Variants in PLCB1 observed in about 807,000 individuals in gnomAD.
The protein encoded by PLCB1 is 1-phosphatidylinositol 4,5-bisphosphate phosphodiesterase beta-1.
PLCB1 carries 46 observed loss-of-function variants against 161.8 expected under a neutral mutation model. The ratio of observed to expected loss-of-function variants is 0.28; its 90% CI spans 0.22 to 0.36. The LOEUF is 0.36. Ranked by LOEUF, PLCB1 falls within the 10% of genes least tolerant of loss-of-function variation. The probability of loss-of-function intolerance (pLI) is 1.00; values close to 1 mark genes in which losing one functional copy is unlikely to be tolerated. For synonymous variants in PLCB1, 517 were observed against 503.7 expected, an observed-to-expected ratio of 1.03 and a Z score of -0.35; for missense variants, 1,016 against 1,472.5, an observed-to-expected ratio of 0.69 and a Z score of 5.07.
chr20:8,221,576 T>C (rs900673138), intron 2 of PLCB1, among the ~76,000 whole-genome samples: 4 of 152,158 alleles, frequency 2.6e-5, no homozygotes, highest in Non-Finnish European at 4.4e-5. Context: ...GTGTGTTTAA[T>C]TGAGAGATGA....
In PLCB1 at chr20:8,820,740, ATAG is replaced by A. The variant is rs1451338959; in HGVS notation, c.3423+30483_3423+30485del. On this transcript the variant is annotated intron_variant, in intron 31 of 31. Transcript: ENST00000338037. Reference sequence around the variant, plus strand: ...AGAAATGAAAAATAACCCACCTATAATAGTAGAATAAAGCAATGTTAATATATT... The same window carrying A: ...AGAAATGAAAAATAACCCACCTATAATAGAATAAAGCAATGTTAATATATT... 3.3e-5 allele frequency among the ~76,000 whole-genome samples: 5 copies of A among 152,306 alleles called. No individual in the cohort carries two copies. In the East Asian group the frequency reaches 9.6e-4, roughly 29 times the overall value.
chr20:8,168,383 T>C (rs190609999), intron 2 of PLCB1, among the ~76,000 whole-genome samples: 41 of 152,326 alleles, frequency 2.7e-4, no homozygotes, highest in African/African-American at 9.4e-4. Context: ...TAAGGCAATA[T>C]GAAGTACCCC....
intron 31 of PLCB1, among the ~76,000 whole-genome samples, chr20:8,842,421 G>A (rs1986537496): frequency 6.6e-6 from 1 of 152,104 alleles, no homozygotes; most frequent in Non-Finnish European, 1.5e-5. Context: ...TCATGGCAAT[G>A]CAAAATCTTC....
At chr20:8,769,254 A>G (rs1225303226) in intron 26 of PLCB1, among the ~76,000 whole-genome samples, 1 of 152,030 alleles carries the variant, frequency 6.6e-6, no homozygotes, top group African/African-American at 2.4e-5. Context: ...AACTCATAAC[A>G]TTTTTAAAAT....
chr20:8,551,012 GCTAA>G, intron 3 of PLCB1, among the ~76,000 whole-genome samples: 1 of 152,146 alleles, frequency 6.6e-6, no homozygotes, highest in Non-Finnish European at 1.5e-5. Context: ...TAATGTCTGG[GCTAA>G]CTTTTTTGTT....
chr20:8,217,413 GA>G (rs1309098660), intron 2 of PLCB1, among the ~76,000 whole-genome samples: 1 of 152,082 alleles, frequency 6.6e-6, no homozygotes, highest in African/African-American at 2.4e-5. Context: ...GAAAAGAGAT[GA>G]GATGGAGTAC....
At chr20:8,204,936 G>C (rs1021432348) in intron 2 of PLCB1, among the ~76,000 whole-genome samples, 1 of 151,820 alleles carries the variant, frequency 6.6e-6, no homozygotes, top group Non-Finnish European at 1.5e-5. Context: ...AATACTGGTT[G>C]CTTCTGCTTT....
chr20:8,401,478 TGAGC>T (rs1466732256), intron 3 of PLCB1, among the ~76,000 whole-genome samples: 1 of 152,252 alleles, frequency 6.6e-6, no homozygotes, highest in Non-Finnish European at 1.5e-5. Context: ...GTTGTATCTT[TGAGC>T]TATCTGGACC....
At chr20:8,312,998 A>G (rs970509833) in intron 2 of PLCB1, among the ~76,000 whole-genome samples, 6 of 152,198 alleles carry the variant, frequency 3.9e-5, no homozygotes, top group African/African-American at 1.4e-4. Context: ...TGTCATGTAT[A>G]TTTGTATTTA....
At chr20:8,408,446 G>GGAAA (rs1269170367) in intron 3 of PLCB1, among the ~76,000 whole-genome samples, 5 of 149,606 alleles carry the variant, frequency 3.3e-5, no homozygotes, top group African/African-American at 1.2e-4. Context: ...AGAAAGAAAA[G>GGAAA]GAAAGAAAGA....
chr20:8,832,828 G>A (rs1387509254), intron 31 of PLCB1, among the ~76,000 whole-genome samples: 2 of 152,136 alleles, frequency 1.3e-5, no homozygotes, highest in African/African-American at 2.4e-5. Context: ...GAGTCCTTAG[G>A]GAACCCTGCG....
intron 3 of PLCB1, among the ~76,000 whole-genome samples, chr20:8,576,365 C>A (rs1043392178): frequency 1.1e-4 from 17 of 151,996 alleles, no homozygotes; most frequent in Admixed American, 4.6e-4. Context: ...AACTGTAAAG[C>A]CATAAATAAA....
intron 9 of PLCB1, among the ~76,000 whole-genome samples, chr20:8,662,021 TA>T (rs1428876409): frequency 3.5e-4 from 2 of 5,726 alleles, no homozygotes; most frequent in Admixed American, 2.9e-3. Flanking sequence ...TTATATATAA[TA>T]TACAATTATT....
chr20:8,535,068 A>G (rs1374517403), intron 3 of PLCB1, among the ~76,000 whole-genome samples: 1 of 150,196 alleles, frequency 6.7e-6, no homozygotes, highest in Non-Finnish European at 1.5e-5. Flanking sequence ...GAAATAGAGC[A>G]ATTCTTTTCC....
At chr20:8,430,381 A>C (rs1204445436) in intron 3 of PLCB1, among the ~76,000 whole-genome samples, 1 of 152,098 alleles carries the variant, frequency 6.6e-6, no homozygotes. Context: ...TTTAAGGCTG[A>C]AATGTTTCAG....
At chr20:8,222,440 C>G (rs1260868506) in intron 2 of PLCB1, among the ~76,000 whole-genome samples, 1 of 152,108 alleles carries the variant, frequency 6.6e-6, no homozygotes, top group African/African-American at 2.4e-5. Context: ...TGTTATTAAT[C>G]ACTCAAATTC....
At chr20:8,763,358 C>T (rs1410207864) in intron 25 of PLCB1, among the ~76,000 whole-genome samples, 5 of 151,972 alleles carry the variant, frequency 3.3e-5, no homozygotes, top group African/African-American at 1.2e-4. Context: ...CCTGCCACCA[C>T]ACCTGGCTAA....
At chr20:8,208,967 A>T (rs1195182610) in intron 2 of PLCB1, among the ~76,000 whole-genome samples, 1 of 152,160 alleles carries the variant, frequency 6.6e-6, no homozygotes, top group Non-Finnish European at 1.5e-5. Context: ...TGGCTCTCTT[A>T]AAAGTAAAGA....
chr20:8,711,692 C>T (rs761428891), intron 12 of PLCB1, among the ~76,000 whole-genome samples: 2 of 152,156 alleles, frequency 1.3e-5, no homozygotes, highest in Non-Finnish European at 2.9e-5. Context: ...TCCTGGGAGG[C>T]TAGCACACAC....
Sources: gnomAD v4.1 joint callset for allele counts (sites outside exome capture counted in the v4.1 genomes callset) on GRCh38, gnomAD v4.1.1 for gene constraint, MANE v1.5 for transcripts, NCBI Gene and HGNC (gene_info 2026-07-23, HGNC 2026-07-21) for gene names.